Variants in MED12L observed in about 807,000 individuals in gnomAD.
MED12L encodes mediator of RNA polymerase II transcription subunit 12-like protein.
Under a neutral mutation model 281.3 loss-of-function variants are expected in MED12L, and 60 were observed. The observed-to-expected ratio is 0.21, with a 90% CI of 0.17 to 0.26. The LOEUF (loss-of-function observed/expected upper bound fraction) is 0.26. Ranked by LOEUF, MED12L falls within the 10% of genes least tolerant of loss-of-function variation. The pLI is 1.00. For synonymous variants in MED12L, 974 were observed against 987.2 expected, an observed-to-expected ratio of 0.99 and a Z score of 0.25; for missense variants, 2,146 against 2,680.9, an observed-to-expected ratio of 0.80 and a Z score of 4.41.
chr3:151,116,509 A>G, intron 3 of MED12L, 67 bp downstream of exon 3: 11 of 992,314 alleles, frequency 1.1e-5, no homozygotes, highest in Non-Finnish European at 1.7e-5. Flanking sequence ...CTTAATAATC[A>G]CTGTTGATAA....
chr3:151,396,338 ACG>A (rs1714963539), intron 39 of MED12L, among the ~76,000 whole-genome samples: 4 of 152,156 alleles, frequency 2.6e-5, no homozygotes, highest in Admixed American at 1.3e-4. Flanking sequence ...CAAAGTAATA[ACG>A]CCTAGGGCCA....
intron 2 of MED12L, among the ~76,000 whole-genome samples, chr3:151,115,327 CTTTTTTTTTTTTTTTTTTTTTT>C (rs66728754): frequency 1.6e-4 from 10 of 60,776 alleles, no homozygotes; most frequent in South Asian, 1.3e-3. Context: ...GGAAACAATT[CTTTTTTTTTTTTTTTTTTTTTT>C]TTTTTTTTTT....
At position 151,377,151 on chromosome 3, in the gene MED12L, G is replaced by A. The variant is rs754678243; in HGVS notation, c.4289G>A (p.Arg1430Lys). 7 of 1,613,066 alleles carry A rather than the reference G, an allele frequency of 4.3e-6. No individual in the cohort carries two copies. The highest frequency in any genetic ancestry group is 5.9e-6 in the Non-Finnish European group (7 of 1,179,720). Residue 1430 changes from arginine to lysine, a missense_variant, in exon 30 of 45, where the codon AGA becomes AAA. Coordinates refer to ENST00000687756, the MANE Select transcript of MED12L (RefSeq NM_001393769.1). ...SIGSADTSST[R>K]QNGIKTFLSS... The stretch of plus-strand genomic sequence containing the variant: ...GGAAGTGCTGATACAAGTAGCACGA[G>A]ACAGAATGGAATAAAGACATTCCTA...
At chr3:151,308,635 A>G (rs966262835) in intron 16 of MED12L, among the ~76,000 whole-genome samples, 1 of 152,200 alleles carries the variant, frequency 6.6e-6, no homozygotes, top group African/African-American at 2.4e-5. Context: ...GTTCATGTAG[A>G]TGCTGTTCCT....
intron 21 of MED12L, among the ~76,000 whole-genome samples, chr3:151,362,484 C>T (rs968756766): frequency 6.6e-6 from 1 of 151,964 alleles, no homozygotes; most frequent in African/African-American, 2.4e-5. Flanking sequence ...TACTTGTGTG[C>T]CCCACTCCCA....
chr3:151,284,808 A>G (rs1743254636), intron 16 of MED12L, among the ~76,000 whole-genome samples: 1 of 152,070 alleles, frequency 6.6e-6, no homozygotes, highest in South Asian at 2.1e-4. Context: ...GGGTTTCTCT[A>G]TGTTGGTCAG....
intron 17 of MED12L, 29 bp from the exon 18 acceptor site, chr3:151,355,092 A>T (rs760457208): frequency 6.5e-7 from 1 of 1,545,462 alleles, no homozygotes; most frequent in South Asian, 1.1e-5. Context: ...TTAAATGGAA[A>T]ATAATGGATC....
intron 38 of MED12L, among the ~76,000 whole-genome samples, chr3:151,393,354 G>C (rs914583505): frequency 2.0e-5 from 3 of 152,192 alleles, no homozygotes; most frequent in Non-Finnish European, 4.4e-5. Flanking sequence ...TTTTACATAT[G>C]AAAGAAGCAG....
chr3:151,409,174 T>A (rs1054136488), intron 39 of MED12L, 69 bp from the exon 40 acceptor site: 81 of 1,215,808 alleles, frequency 6.7e-5, no homozygotes, highest in Admixed American at 9.3e-5. Context: ...TTATTTGGAT[T>A]ATTAACCAGA....
Position 151,387,989 on chromosome 3 carries a change from C to G in MED12L, c.5268C>G (p.Arg1756=). ...LYHTHPMPKP[R]SYYLQPLPLP... is the part of the protein sequence containing the mutation. Reference sequence around the variant, plus strand: ...ACACACACCCCATGCCCAAGCCCCGCAGTTACTACCTCCAGCCACTGCCCC... The same window carrying G: ...ACACACACCCCATGCCCAAGCCCCGGAGTTACTACCTCCAGCCACTGCCCC... The change falls in exon 37 of 45, where the codon CGC becomes CGG. Residue 1756 remains arginine, a synonymous_variant. Transcript: ENST00000687756. The G allele has an allele frequency of 6.2e-7, 1 of 1,614,048 alleles. No homozygotes were observed. The highest frequency in any genetic ancestry group is 1.7e-5 in the Admixed American group (1 of 60,016).
chr3:151,348,340 C>CAAAAA (rs11382065), intron 16 of MED12L, among the ~76,000 whole-genome samples: 51 of 87,802 alleles, frequency 5.8e-4, no homozygotes, highest in African/African-American at 1.8e-3. Flanking sequence ...ACCACCAGAC[C>CAAAAA]AAAAAAAAAA....
chr3:151,093,494 T>C (rs1489512986), intron 2 of MED12L, among the ~76,000 whole-genome samples: 1 of 152,242 alleles, frequency 6.6e-6, no homozygotes, highest in Non-Finnish European at 1.5e-5. Context: ...CTCCCCCTTA[T>C]TCCTACCTGC....
chr3:151,217,991 C>CA (rs1280108284), intron 16 of MED12L, among the ~76,000 whole-genome samples: 1 of 152,070 alleles, frequency 6.6e-6, no homozygotes, highest in Admixed American at 6.5e-5. Flanking sequence ...AAAATCAGGA[C>CA]AAAATCATTA....
intron 37 of MED12L, 140 bp downstream of exon 37, chr3:151,388,312 T>A: frequency 1.0e-6 from 1 of 988,296 alleles, no homozygotes; most frequent in Non-Finnish European, 1.4e-6. Flanking sequence ...GTTTCTGCAT[T>A]AACTGAATGG....
chr3:151,367,631 A>ATT lies in MED12L; in HGVS notation c.3328-14_3328-13insTT. The stretch of plus-strand genomic sequence containing the variant: ...GGTTGTTAGGTATTAAAACCTGTCA[A>ATT]TGTTTTTCTTGAAGGTGAGTGACCT... On this transcript the variant is annotated splice_polypyrimidine_tract_variant and intron_variant, in intron 23 of 44. Transcript: ENST00000687756. 6.3e-7 allele frequency: 1 copy of ATT among 1,596,958 alleles called. No homozygotes were observed. Among genetic ancestry groups the ATT allele is most frequent in the Non-Finnish European group, 8.6e-7 (1 of 1,168,862 alleles).
chr3:151,200,493 T>C (rs1247128152), intron 16 of MED12L, among the ~76,000 whole-genome samples: 1 of 152,250 alleles, frequency 6.6e-6, no homozygotes, highest in Non-Finnish European at 1.5e-5. Flanking sequence ...GTGACCAACA[T>C]TGAAGGCCAG....
In MED12L at chr3:151,295,322, T is replaced by A. The variant is rs1744942689; in HGVS notation, c.2251-54737T>A. 1.2e-5 allele frequency: 8 copies of A among 672,476 alleles called. No homozygotes were observed. In the Admixed American group the frequency reaches 1.5e-4, roughly 13 times the overall value. 41.7% of individuals were successfully genotyped at this position (672,476 alleles called of 1,614,324 possible). A position where few individuals can be genotyped will look rare whatever the true frequency, so the allele number is the denominator to read the frequency against. On this transcript the variant is annotated intron_variant, in intron 16 of 44. Coordinates refer to ENST00000687756, the MANE Select transcript of MED12L (RefSeq NM_001393769.1). ...GTTATTTCAGGTGAACTTAAAGATG[T>A]CATCAATGATTTACAGAGTCAAGGT...
At chr3:151,253,326 G>A (rs1046633498) in intron 16 of MED12L, among the ~76,000 whole-genome samples, 1 of 152,150 alleles carries the variant, frequency 6.6e-6, no homozygotes, top group Non-Finnish European at 1.5e-5. Context: ...TGTCCCAGGG[G>A]CCTTCCGCTC....
intron 16 of MED12L, among the ~76,000 whole-genome samples, chr3:151,242,306 C>T (rs1456105192): frequency 6.6e-6 from 1 of 152,228 alleles, no homozygotes; most frequent in Non-Finnish European, 1.5e-5. Context: ...TCTCTAGGCT[C>T]CACCTCTGGG....
Sources: gnomAD v4.1 joint callset for allele counts (sites outside exome capture counted in the v4.1 genomes callset) on GRCh38, gnomAD v4.1.1 for gene constraint, MANE v1.5 for transcripts, NCBI Gene and HGNC (gene_info 2026-07-23, HGNC 2026-07-21) for gene names.